The following UBE4A variants were observed in gnomAD, a reference collection of about 807,000 sequenced individuals.
UBE4A encodes ubiquitination factor E4A.
In UBE4A, 48 loss-of-function variants were observed where a neutral mutation model predicts 117.9. That is an observed-to-expected ratio of 0.41 (90% CI 0.32 to 0.52). The LOEUF (loss-of-function observed/expected upper bound fraction) is 0.52. Ranked by LOEUF, UBE4A falls within the 20% of genes least tolerant of loss-of-function variation. The pLI, the probability that UBE4A is intolerant of heterozygous loss-of-function variation, is 0.33. For synonymous variants in UBE4A, 407 were observed against 450.0 expected, an observed-to-expected ratio of 0.90 and a Z score of 1.21; for missense variants, 1,067 against 1,296.3, an observed-to-expected ratio of 0.82 and a Z score of 2.72.
chr11:118,381,349 T>G, intron 11 of UBE4A, 42 bp from the exon 12 acceptor site: 1 of 1,611,672 alleles, frequency 6.2e-7, no homozygotes, highest in Non-Finnish European at 8.5e-7. Context: ...AGTACAGATA[T>G]ACAGATGTTT....
At chr11:118,382,859 A>G in intron 13 of UBE4A, 83 bp downstream of exon 13, 1 of 1,278,724 alleles carries the variant, frequency 7.8e-7, no homozygotes, top group African/African-American at 1.5e-5. Context: ...TTGGATATCA[A>G]AGAAATGTCA....
chr11:118,387,975 G>A (rs1042460186), intron 16 of UBE4A, among the ~76,000 whole-genome samples: 1 of 152,150 alleles, frequency 6.6e-6, no homozygotes, highest in African/African-American at 2.4e-5. Context: ...AAATTAATCA[G>A]CAGCTGGAAA....
intron 16 of UBE4A, among the ~76,000 whole-genome samples, chr11:118,387,058 G>A (rs1424452218): frequency 2.6e-5 from 4 of 152,122 alleles, no homozygotes; most frequent in African/African-American, 7.2e-5. Flanking sequence ...AAATGTAGCT[G>A]GTCTGAATTG....
At chr11:118,366,489 C>T (rs1370893074) in intron 2 of UBE4A, among the ~76,000 whole-genome samples, 1 of 152,176 alleles carries the variant, frequency 6.6e-6, no homozygotes, top group South Asian at 2.1e-4. Context: ...GAGTTGGGAG[C>T]ATTGCAGGCA....
intron 1 of UBE4A, among the ~76,000 whole-genome samples, chr11:118,359,932 A>G (rs766413780): frequency 3.9e-5 from 6 of 152,100 alleles, no homozygotes; most frequent in Non-Finnish European, 7.4e-5. Flanking sequence ...AAGAGGCCGG[A>G]GCGCTATCAT....
In UBE4A at chr11:118,375,210, T is replaced by G; in HGVS notation, c.1431T>G (p.Ile477Met). 1 of 1,608,952 alleles carries G rather than the reference T, an allele frequency of 6.2e-7. No individual in the cohort carries two copies. The highest frequency in any genetic ancestry group is 8.5e-7 in the Non-Finnish European group (1 of 1,176,442). The change falls in exon 9 of 20, where the codon ATT becomes ATG. Residue 477 changes from isoleucine (I) to methionine (M), a missense_variant. This residue lies in a region of UBE4A where 1,001 missense variants were observed against 1,184.0 expected (regional missense o/e 0.85). Transcript: ENST00000252108. ...AGTTGAATGATGAAGAACGAAAAAT[T>G]AAAAATGTACACATGAGAGGTAGGA... ...LKELNDEERK[I>M]KNVHMRGLDK...
intron 2 of UBE4A, among the ~76,000 whole-genome samples, 180 bp from the exon 3 acceptor site, chr11:118,368,451 T>C (rs1296624702): frequency 1.3e-5 from 2 of 152,252 alleles, no homozygotes; most frequent in African/African-American, 4.8e-5. Flanking sequence ...GTAGGATTTA[T>C]AGCCAGGAAT....
chr11:118,370,981 A>G (rs1044888443), intron 4 of UBE4A, among the ~76,000 whole-genome samples: 8 of 152,132 alleles, frequency 5.3e-5, no homozygotes, highest in Non-Finnish European at 1.0e-4. Flanking sequence ...CACTAGCCCC[A>G]CCTCCAACAG....
chr11:118,366,550 C>T (rs926592706), intron 2 of UBE4A, among the ~76,000 whole-genome samples: 1 of 152,186 alleles, frequency 6.6e-6, no homozygotes, highest in Non-Finnish European at 1.5e-5. Flanking sequence ...TTTGTTTACA[C>T]TGAGTTTATC....
At chr11:118,384,564 C>A in intron 13 of UBE4A, 71 bp from the exon 14 acceptor site, 1 of 1,397,928 alleles carries the variant, frequency 7.2e-7, no homozygotes, top group Non-Finnish European at 1.0e-6. Context: ...AAGCAAATGG[C>A]TACACATAAG....
Position 118,398,890 on chromosome 11 carries a change from G to A in UBE4A, c.*2450G>A. 5.4e-6 allele frequency: 1 copy of A among 186,378 alleles called. No individual in the cohort carries two copies. Among genetic ancestry groups the A allele is most frequent in the Non-Finnish European group, 1.2e-5 (1 of 85,128 alleles). 11.5% of individuals were successfully genotyped at this position (186,378 alleles called of 1,614,324 possible). ...CAAGTGAAGGTGCCAGTTGCTATTT[G>A]ATATCACACTCTACAAAAGCTTCAT... On this transcript the variant is annotated 3_prime_UTR_variant, in exon 20 of 20. Coordinates refer to ENST00000252108, the MANE Select transcript of UBE4A (RefSeq NM_001204077.2).
rs782649924 is a variant in UBE4A at position 118,374,963 on chromosome 11, C to T, written c.1184C>T (p.Thr395Ile). 2 of 1,594,166 alleles carry T rather than the reference C, an allele frequency of 1.3e-6. No homozygotes were observed. Among genetic ancestry groups the T allele is most frequent in the Non-Finnish European group, 1.7e-6 (2 of 1,168,164 alleles). Residue 395 changes from threonine to isoleucine, a missense_variant, in exon 9 of 20, where the codon ACC becomes ATC. Transcript: ENST00000252108. ...LKNLLQLSPE[T>I]KHCILSWLGN... ...AACTTACTCCAGCTCTCTCCAGAAA[C>T]CAAACACTGTATCTTGTCCTGGCTT... is the stretch of plus-strand genomic sequence containing the variant.
At chr11:118,362,494 C>T (rs1359172496) in intron 1 of UBE4A, among the ~76,000 whole-genome samples, 2 of 152,148 alleles carry the variant, frequency 1.3e-5, no homozygotes, top group South Asian at 2.1e-4. Context: ...TTTCTGCTTA[C>T]GTGTTGCAGG....
At chr11:118,388,252 T>G (rs1489449355) in intron 16 of UBE4A, among the ~76,000 whole-genome samples, 1 of 152,156 alleles carries the variant, frequency 6.6e-6, no homozygotes, top group Non-Finnish European at 1.5e-5. Flanking sequence ...CAACCAAACA[T>G]AGCATTATGA....
chr11:118,378,546 A>G (rs782470268), intron 10 of UBE4A: 2 of 152,258 alleles, frequency 1.3e-5, no homozygotes, highest in Admixed American at 6.5e-5. Context: ...AGAAAGGGAC[A>G]CTAAGAATAG....
chr11:118,366,366 A>G (rs1011570077), intron 2 of UBE4A, among the ~76,000 whole-genome samples: 3 of 152,208 alleles, frequency 2.0e-5, no homozygotes, highest in Admixed American at 6.5e-5. Flanking sequence ...AAATTTTGCT[A>G]AACAGATTCT....
At chr11:118,379,144 T>G (rs1555125844) in intron 10 of UBE4A, among the ~76,000 whole-genome samples, 1 of 152,170 alleles carries the variant, frequency 6.6e-6, no homozygotes, top group African/African-American at 2.4e-5. Flanking sequence ...AATAATTATT[T>G]TATGTAATAA....
chr11:118,369,612 A>G (rs546134584), intron 4 of UBE4A, 77 bp downstream of exon 4: 3 of 1,095,244 alleles, frequency 2.7e-6, no homozygotes, highest in East Asian at 2.4e-5. Context: ...CTGTTCTCCA[A>G]CTTATGCTTG....
intron 10 of UBE4A, among the ~76,000 whole-genome samples, chr11:118,377,948 T>C (rs1317067546): frequency 1.4e-5 from 2 of 143,960 alleles, no homozygotes; most frequent in African/African-American, 5.2e-5. Context: ...CTACTCCTGG[T>C]GATAAAAGAT....
Sources: allele counts gnomAD v4.1 joint callset (sites outside exome capture counted in the v4.1 genomes callset), GRCh38; gene constraint gnomAD v4.1.1; regional missense constraint gnomAD v4.1.1; transcripts MANE v1.5; gene names NCBI Gene and HGNC (gene_info 2026-07-23, HGNC 2026-07-21).